Variants in LOC400499 observed in about 807,000 individuals in gnomAD.
the LOC400499 span, among the ~76,000 whole-genome samples, chr16:11,430,421 C>T: frequency 2.6e-5 from 4 of 151,952 alleles, no homozygotes; most frequent in Non-Finnish European, 4.4e-5. Context: ...ACCCGGGAGG[C>T]GGAGGTTGCA....
chr16:11,462,871 G>A, the LOC400499 span, among the ~76,000 whole-genome samples: 458 of 152,270 alleles, frequency 3.0e-3, 3 homozygotes, highest in African/African-American at 9.9e-3. Flanking sequence ...TATGGAACGC[G>A]TCTAGAATCA....
chr16:11,440,812 C>A, the LOC400499 span: 2 of 399,048 alleles, frequency 5.0e-6, no homozygotes, highest in South Asian at 2.5e-4. Flanking sequence ...GATGATGCCC[C>A]CATCCAAGCT....
the LOC400499 span, among the ~76,000 whole-genome samples, chr16:11,420,918 C>T: frequency 6.6e-6 from 1 of 152,234 alleles, no homozygotes; most frequent in Non-Finnish European, 1.5e-5. Flanking sequence ...TCCAGGTCTG[C>T]TGGGCTCTGA....
chr16:11,428,120 G>C, the LOC400499 span, among the ~76,000 whole-genome samples: 1 of 152,168 alleles, frequency 6.6e-6, no homozygotes. Flanking sequence ...CATTATTATG[G>C]TTATTTCTTG....
chr16:11,483,920 T>A, the LOC400499 span, among the ~76,000 whole-genome samples: 2 of 147,602 alleles, frequency 1.4e-5, no homozygotes, highest in African/African-American at 5.0e-5. Flanking sequence ...TATTCTAGAA[T>A]ATGCAAAGAA....
the LOC400499 span, chr16:11,390,546 G>A: frequency 9.2e-7 from 1 of 1,084,590 alleles, no homozygotes; most frequent in African/African-American, 1.6e-5. Flanking sequence ...AGGCCTCGAG[G>A]AGATAGGGCC....
the LOC400499 span, among the ~76,000 whole-genome samples, chr16:11,465,101 A>G: frequency 6.8e-4 from 103 of 152,322 alleles, no homozygotes; most frequent in African/African-American, 2.3e-3. Flanking sequence ...CAGAATCAGG[A>G]GATCCACTGC....
the LOC400499 span, among the ~76,000 whole-genome samples, chr16:11,422,685 T>G: frequency 6.6e-6 from 1 of 152,126 alleles, no homozygotes; most frequent in East Asian, 1.9e-4. Context: ...ATGCACAAAA[T>G]AGAAATGCCT....
the LOC400499 span, among the ~76,000 whole-genome samples, chr16:11,496,543 G>A: frequency 1.3e-5 from 2 of 152,188 alleles, no homozygotes; most frequent in African/African-American, 4.8e-5. Context: ...GGGTGTGCAG[G>A]TGTCTCAGCG....
At chr16:11,385,187 G>A in the LOC400499 span, 1 of 1,231,808 alleles carries the variant, frequency 8.1e-7, no homozygotes, top group Non-Finnish European at 1.0e-6. Flanking sequence ...CAGTCCTACA[G>A]GCTGCCATGC....
the LOC400499 span, among the ~76,000 whole-genome samples, chr16:11,512,285 A>T: frequency 6.6e-6 from 1 of 151,038 alleles, no homozygotes; most frequent in Non-Finnish European, 1.5e-5. Context: ...CCATCTCAAA[A>T]AAATAAATAA....
chr16:11,527,425 A>C, the LOC400499 span, among the ~76,000 whole-genome samples: 8 of 152,274 alleles, frequency 5.3e-5, 1 homozygote, highest in South Asian at 1.7e-3. Context: ...GGGGAAAAAA[A>C]GCCTAGAGGG....
the LOC400499 span, among the ~76,000 whole-genome samples, chr16:11,479,108 A>C: frequency 6.6e-6 from 1 of 152,160 alleles, no homozygotes; most frequent in Non-Finnish European, 1.5e-5. Context: ...CACAGGGCAA[A>C]GTGCCTGTAC....
the LOC400499 span, among the ~76,000 whole-genome samples, chr16:11,409,815 C>T: frequency 3.3e-5 from 5 of 152,258 alleles, no homozygotes; most frequent in East Asian, 1.9e-4. Context: ...TCTTCAGAAA[C>T]GTCTCTATAT....
At chr16:11,459,951 A>T in the LOC400499 span, 1 of 1,510,842 alleles carries the variant, frequency 6.6e-7, no homozygotes. Flanking sequence ...GGTCTGGCTG[A>T]CACGGAGATG....
At chr16:11,438,482 C>G in the LOC400499 span, among the ~76,000 whole-genome samples, 3 of 151,864 alleles carry the variant, frequency 2.0e-5, no homozygotes, top group Non-Finnish European at 4.4e-5. Flanking sequence ...TAAAAAAATG[C>G]TATCAGGGCT....
chr16:11,497,590 G>T, the LOC400499 span, among the ~76,000 whole-genome samples: 7 of 152,194 alleles, frequency 4.6e-5, no homozygotes. Context: ...CAGGGCTGTG[G>T]GGCAGGCTGG....
At chr16:11,459,397 C>T in the LOC400499 span, among the ~76,000 whole-genome samples, 3 of 151,710 alleles carry the variant, frequency 2.0e-5, no homozygotes, top group African/African-American at 4.8e-5. Flanking sequence ...GGTGTTTCGC[C>T]GTGTTAGCCA....
chr16:11,425,048 T>A, the LOC400499 span: 7 of 398,156 alleles, frequency 1.8e-5, no homozygotes, highest in African/African-American at 1.4e-4. Context: ...GGTTGGAGGC[T>A]CATTTATCCC....
Sources: allele counts gnomAD v4.1 joint callset (sites outside exome capture counted in the v4.1 genomes callset), GRCh38; gene constraint gnomAD v4.1.1; transcripts MANE v1.5.